The following NPM2 variants were observed in gnomAD, a reference collection of about 807,000 sequenced individuals.
NPM2 encodes the protein nucleoplasmin-2.
NPM2 carries 25 observed loss-of-function variants against 32.0 expected under a neutral mutation model. The observed-to-expected ratio is 0.78, with a 90% CI of 0.57 to 1.09. NPM2 has a LOEUF of 1.09. Among genes scored for constraint, NPM2 ranks in the 50% least tolerant of loss-of-function variants. The pLI, the probability that NPM2 is intolerant of heterozygous loss-of-function variation, is 0.00. For missense variants in NPM2, 282 were observed against 259.9 expected (o/e 1.08, Z -0.58); for synonymous variants, 111 against 94.2 (o/e 1.18, Z -1.04).
rs759185038 is a variant in NPM2 at position 22,033,147 on chromosome 8, G to A, written c.288G>A (p.Val96=). The A allele has an allele frequency of 3.7e-6, 6 of 1,613,976 alleles. No homozygotes were observed. Among genetic ancestry groups the A allele is most frequent in the African/African-American group, 1.3e-5 (1 of 74,906 alleles). ...CCCTGCAGGTCTCCATGGTAGGAGT[G>A]CAGCTTTCTCCCCCAGTTACTTTCC... ...SVLPMVSMVG[V]QLSPPVTFQL... Residue 96 remains valine (V), a synonymous_variant, in exon 6 of 10, where the codon GTG becomes GTA. Transcript: ENST00000518119.
Position 22,036,865 on chromosome 8 carries a change from C to T in NPM2, c.*183C>T, listed in dbSNP as rs1800643493. 1.7e-6 allele frequency: 1 copy of T among 603,520 alleles called. No individual in the cohort carries two copies. Among genetic ancestry groups the T allele is most frequent in the Non-Finnish European group, 2.8e-6 (1 of 355,792 alleles). The allele number at this position is 603,520 out of a possible 1,614,324, so 37.4% of individuals were successfully genotyped here. A position where few individuals can be genotyped will look rare whatever the true frequency, so the allele number is the denominator to read the frequency against. ...AGGAGGCCCCCAGTGAAGAGCCCCA[C>T]CTCGGGGTCACAATAAAGTTGCCTG... On this transcript the variant is annotated 3_prime_UTR_variant, in exon 10 of 10. Transcript: ENST00000518119.
chr8:22,033,818 C>T (rs1274372245), intron 6 of NPM2, among the ~76,000 whole-genome samples: 1 of 152,138 alleles, frequency 6.6e-6, no homozygotes, highest in Non-Finnish European at 1.5e-5. Context: ...CAGCCCTTGC[C>T]AATATGAATC....
intron 5 of NPM2, among the ~76,000 whole-genome samples, chr8:22,026,096 C>T (rs1402163878): frequency 6.6e-6 from 1 of 152,210 alleles, no homozygotes; most frequent in African/African-American, 2.4e-5. Context: ...CCCCTGAGCC[C>T]TGCCTCCCGT....
At chr8:22,036,441 A>T in intron 8 of NPM2, 52 bp from the exon 9 acceptor site, 2 of 1,571,756 alleles carry the variant, frequency 1.3e-6, no homozygotes, top group Non-Finnish European at 1.7e-6. Flanking sequence ...TCTGGAGCTG[A>T]GCTCTCTCCC....
At chr8:22,026,454 CT>C (rs1171179196) in intron 5 of NPM2, among the ~76,000 whole-genome samples, 1,364 of 111,376 alleles carry the variant, frequency 0.012, 9 homozygotes, top group African/African-American at 0.03. Context: ...CAGTTCTTGC[CT>C]TTTTTTTTTT....
chr8:22,034,316 C>T lies in NPM2; in HGVS notation c.531+41C>T, dbSNP rs1286474961. ...TGGCTGTTTGGAAGGAAGTGGTACC[C>T]CTACAGAAGCACTTAAGAGGGGTGG... On this transcript the variant is annotated intron_variant, in intron 7 of 9. Coordinates refer to ENST00000518119, the MANE Select transcript of NPM2 (RefSeq NM_001286680.2). 5 of 1,540,902 alleles carry T rather than the reference C, an allele frequency of 3.2e-6. No homozygotes were observed. The East Asian group carries it at 6.8e-5, about 21-fold the overall frequency.
chr8:22,029,411 TG>T (rs1800361828), intron 5 of NPM2, among the ~76,000 whole-genome samples: 1 of 152,234 alleles, frequency 6.6e-6, no homozygotes, highest in South Asian at 2.1e-4. Flanking sequence ...CCCAAAGTGC[TG>T]GAATTATAGG....
chr8:22,027,809 G>A (rs532493330), intron 5 of NPM2, among the ~76,000 whole-genome samples: 21 of 152,224 alleles, frequency 1.4e-4, no homozygotes, highest in African/African-American at 4.6e-4. Flanking sequence ...TTTTTGCCAT[G>A]TTGGTCAGGC....
chr8:22,025,303 T>A lies in NPM2; in HGVS notation c.55T>A (p.Trp19Arg). The A allele has an allele frequency of 1.2e-6, 2 of 1,607,846 alleles. No homozygotes were observed. The highest frequency in any genetic ancestry group is 1.7e-6 in the Non-Finnish European group (2 of 1,177,622). ...GGAAAAGGCAGTGACGACCGTGCTC[T>A]GGGGTGAGTGGGGACTCAGGCTCCT... ...TEEKAVTTVLWGCELSQERRT... is the reference protein window; with the variant it reads ...TEEKAVTTVLRGCELSQERRT... Residue 19 changes from tryptophan (W) to arginine (R), a missense_variant, in exon 3 of 10, where the codon TGG becomes AGG. By Grantham distance (101) the Trp-to-Arg change is moderately radical. Coordinates refer to ENST00000518119, the MANE Select transcript of NPM2 (RefSeq NM_001286680.2).
At chr8:22,030,174 A>T (rs1055257340) in intron 5 of NPM2, among the ~76,000 whole-genome samples, 1 of 152,122 alleles carries the variant, frequency 6.6e-6, no homozygotes, top group Non-Finnish European at 1.5e-5. Flanking sequence ...CCTTCACAGC[A>T]TTATTGATCA....
rs1170149033 is a variant in NPM2 at position 22,034,146 on chromosome 8, AGAAGGGGAGGAGGAGGAAGAGGAAGAG to A, written c.407_433del (p.Gly136_Glu144del). On this transcript the variant is annotated inframe_deletion, in exon 7 of 10. Transcript: ENST00000518119. ...TAACCTGGGAGGAGGAGGAGGAAGA[AGAAGGGGAGGAGGAGGAAGAGGAAGAG>A]GAAGATGATGAGGATGAGGATGCAG... The A allele has an allele frequency of 6.2e-7, 1 of 1,610,476 alleles. No homozygotes were observed. Among genetic ancestry groups the A allele is most frequent in the South Asian group, 1.1e-5 (1 of 90,162 alleles).
Position 22,034,559 on chromosome 8 carries a change from C to T in NPM2, c.566+15C>T, listed in dbSNP as rs1159115252. 6.2e-7 allele frequency: 1 copy of T among 1,601,068 alleles called. No homozygotes were observed. The highest frequency in any genetic ancestry group is 8.5e-7 in the Non-Finnish European group (1 of 1,170,286). On this transcript the variant is annotated intron_variant, in intron 8 of 9. Coordinates refer to ENST00000518119, the MANE Select transcript of NPM2 (RefSeq NM_001286680.2). ...GAGGAAATAAGGTAACTCTTTCTAC[C>T]TATTAAATTAGCCAAAGTCTCCAGC...
chr8:22,033,266 C>G, intron 6 of NPM2, 43 bp downstream of exon 6: 1 of 1,464,096 alleles, frequency 6.8e-7, no homozygotes, highest in Non-Finnish European at 9.6e-7. Flanking sequence ...GAGTACCGTG[C>G]TAGGCAGGGG....
intron 5 of NPM2, among the ~76,000 whole-genome samples, chr8:22,031,544 C>G (rs1342637513): frequency 6.6e-6 from 1 of 152,224 alleles, no homozygotes; most frequent in Non-Finnish European, 1.5e-5. Context: ...TTCCTGGGTT[C>G]AAGCAGTTCT....
rs1800536629 is a variant in NPM2 at position 22,034,153 on chromosome 8, G to A, written c.409G>A (p.Glu137Lys). 4 of 1,611,382 alleles carry A rather than the reference G, an allele frequency of 2.5e-6. No individual in the cohort carries two copies. The highest frequency in any genetic ancestry group is 2.2e-5 in the East Asian group (1 of 44,872). The change falls in exon 7 of 10, where the codon GAG (glutamate) becomes AAG (lysine). Residue 137 changes from glutamate (E) to lysine (K), a missense_variant. Transcript: ENST00000518119. ...TWEEEEEEEG[E>K]EEEEEEEDDE... ...GGAGGAGGAGGAGGAAGAAGAAGGG[G>A]AGGAGGAGGAAGAGGAAGAGGAAGA...
In NPM2 at chr8:22,025,475, G is replaced by T; in HGVS notation, c.98G>T (p.Arg33Ile). Residue 33 changes from arginine (R) to isoleucine (I), a missense_variant, in exon 4 of 10, where the codon AGA (arginine) becomes ATA (isoleucine). By Grantham distance (97) the Arg-to-Ile change is moderately conservative. Coordinates refer to ENST00000518119, the MANE Select transcript of NPM2 (RefSeq NM_001286680.2). ...LSQERRTWTF[R>I]PQLEGKQSCR... Reference sequence around the variant, plus strand: ...CAGGAGAGGCGGACTTGGACCTTCAGACCCCAGCTGGAGGGGAAGCAGAGC... The same window carrying T: ...CAGGAGAGGCGGACTTGGACCTTCATACCCCAGCTGGAGGGGAAGCAGAGC... The T allele has an allele frequency of 6.2e-7, 1 of 1,614,170 alleles. No homozygotes were observed. The highest frequency in any genetic ancestry group is 1.7e-4 in the Middle Eastern group (1 of 6,060).
chr8:22,036,078 T>C (rs1014820794), intron 8 of NPM2, among the ~76,000 whole-genome samples: 3 of 152,106 alleles, frequency 2.0e-5, no homozygotes, highest in African/African-American at 7.2e-5. Context: ...TGGTTAATAT[T>C]TTATAATGAA....
intron 5 of NPM2, 148 bp downstream of exon 5, chr8:22,025,920 C>T (rs997969304): frequency 8.8e-7 from 1 of 1,133,298 alleles, no homozygotes; most frequent in South Asian, 1.4e-5. Context: ...CGGGGTCCAG[C>T]CCAGCTCACC....
chr8:22,033,038 A>G, intron 5 of NPM2, 92 bp from the exon 6 acceptor site: 1 of 899,348 alleles, frequency 1.1e-6, no homozygotes, highest in Non-Finnish European at 1.9e-6. Context: ...GGGTTTGGGG[A>G]GGGAAATCAA....
Sources: gnomAD v4.1 joint callset for allele counts (sites outside exome capture counted in the v4.1 genomes callset) on GRCh38, gnomAD v4.1.1 for gene constraint, MANE v1.5 for transcripts, NCBI Gene and HGNC (gene_info 2026-07-23, HGNC 2026-07-21) for gene names.